The following SNX29 variants were observed in gnomAD, a reference collection of about 807,000 sequenced individuals.
SNX29 encodes the protein sorting nexin 29.
In SNX29, 78 loss-of-function variants were observed where a neutral mutation model predicts 102.1. The ratio of observed to expected loss-of-function variants is 0.76; its 90% CI spans 0.64 to 0.92. SNX29 has a LOEUF of 0.92. Among genes scored for constraint, SNX29 ranks in the 40% least tolerant of loss-of-function variants. The pLI is 0.00. For synonymous variants in SNX29, 580 were observed against 414.5 expected, an observed-to-expected ratio of 1.40 and a Z score of -4.85; for missense variants, 1,280 against 1,061.7, an observed-to-expected ratio of 1.21 and a Z score of -2.86.
intron 16 of SNX29, among the ~76,000 whole-genome samples, chr16:12,396,936 A>G (rs144475191): frequency 3.2e-4 from 48 of 152,338 alleles, no homozygotes; most frequent in African/African-American, 1.1e-3. Context: ...AAACAGGGTC[A>G]TGCTCTGTCA....
intron 13 of SNX29, among the ~76,000 whole-genome samples, chr16:12,155,357 C>T (rs951746943): frequency 2.0e-5 from 3 of 152,150 alleles, no homozygotes; most frequent in African/African-American, 7.2e-5. Flanking sequence ...ATTTAGCAAG[C>T]CACTGGGAGG....
At chr16:11,982,423 G>GTTTTTTTTTTT (rs60761477) in intron 1 of SNX29, among the ~76,000 whole-genome samples, 2 of 120,372 alleles carry the variant, frequency 1.7e-5, no homozygotes, top group Non-Finnish European at 1.7e-5. Flanking sequence ...CTTTCCATCA[G>GTTTTTTTTTTT]TTTTTTTTTT....
In SNX29 at chr16:12,271,279, A is replaced by G. The variant is rs778824049; in HGVS notation, c.1679-6654A>G. On this transcript the variant is annotated intron_variant, in intron 14 of 20. Coordinates refer to ENST00000566228, the MANE Select transcript of SNX29 (RefSeq NM_032167.5). ...TCAGTTGGAGGCTGCGGTTGTCCCA[A>G]GGCTCCACTGGAGGAGTGTGCACTG... Among the ~76,000 whole-genome samples the G allele has an allele frequency of 2.0e-5, 3 of 152,220 alleles. No homozygotes were observed. In the East Asian group the frequency reaches 5.8e-4, roughly 29 times the overall value.
At chr16:12,410,412 A>G (rs999990911) in intron 18 of SNX29, among the ~76,000 whole-genome samples, 6 of 151,976 alleles carry the variant, frequency 3.9e-5, no homozygotes, top group Non-Finnish European at 5.9e-5. Context: ...CCCATCTCCC[A>G]TCCTGCAGAA....
In SNX29 at chr16:12,477,829, C is replaced by T. The variant is rs2087727247; in HGVS notation, c.2148C>T (p.Asn716=). 2 of 1,610,220 alleles carry T rather than the reference C, an allele frequency of 1.2e-6. No individual in the cohort carries two copies. The highest frequency in any genetic ancestry group is 1.7e-6 in the Non-Finnish European group (2 of 1,178,788). Residue 716 remains asparagine, a synonymous_variant, in exon 19 of 21, where the codon AAC becomes AAT. Coordinates refer to ENST00000566228, the MANE Select transcript of SNX29 (RefSeq NM_032167.5). The part of the protein sequence containing the change: ...QNKYPQVRAY[N]FPPKKAIGNK... ...AGTACCCTCAAGTGAGGGCCTACAA[C>T]TTCCCACCCAAAAAGGCCATTGGAA...
intron 13 of SNX29, among the ~76,000 whole-genome samples, chr16:12,166,254 T>C (rs2056016691): frequency 6.6e-6 from 1 of 152,158 alleles, no homozygotes; most frequent in African/African-American, 2.4e-5. Flanking sequence ...GATAAGTGGG[T>C]AGGGCTCTTG....
In SNX29 at chr16:12,130,474, CAAAAAAAAA is replaced by C. The variant is rs71139578; in HGVS notation, c.1595+732_1595+740del. On this transcript the variant is annotated intron_variant, in intron 13 of 20. Coordinates refer to ENST00000566228, the MANE Select transcript of SNX29 (RefSeq NM_032167.5). ...TGGGCGACAGAGCGAGACTCCGTCT[CAAAAAAAAA>C]AAAAAAAAAAAAAAAGATAGCGACT... Among the ~76,000 whole-genome samples, 400 of 56,146 alleles carry C rather than the reference CAAAAAAAAA, an allele frequency of 7.1e-3. 2 individuals carry two copies. The highest frequency in any genetic ancestry group is 0.033 in the Middle Eastern group (2 of 60). 36.8% of individuals were successfully genotyped at this position (56,146 alleles called of 152,430 possible).
chr16:12,024,226 C>T (rs1417137794), intron 3 of SNX29, among the ~76,000 whole-genome samples: 1 of 151,988 alleles, frequency 6.6e-6, no homozygotes, highest in African/African-American at 2.4e-5. Context: ...GCAACCTCCG[C>T]CTCCCGGATT....
chr16:12,474,492 G>A (rs1414777008), intron 18 of SNX29, among the ~76,000 whole-genome samples: 1 of 152,160 alleles, frequency 6.6e-6, no homozygotes, highest in African/African-American at 2.4e-5. Context: ...AGGAGAGGAG[G>A]TGCCCATGTG....
At chr16:12,282,461 C>T (rs998673551) in intron 15 of SNX29, among the ~76,000 whole-genome samples, 4 of 152,174 alleles carry the variant, frequency 2.6e-5, no homozygotes, top group Admixed American at 6.5e-5. Flanking sequence ...GAGGGCAGTG[C>T]GGACATTGTC....
At position 12,528,177 on chromosome 16, in the gene SNX29, G is replaced by A. The variant is rs114404583; in HGVS notation, c.2318+3336G>A. On this transcript the variant is annotated intron_variant, in intron 20 of 20. Transcript: ENST00000566228. The stretch of plus-strand genomic sequence containing the variant: ...CTTGCCAACATCAAAAAATTAGAAG[G>A]TGTCAGATAAAAAAATCCAGACGTC... 7.7e-3 allele frequency among the ~76,000 whole-genome samples: 1,172 copies of A among 151,542 alleles called. 19 individuals carry two copies. Among genetic ancestry groups the A allele is most frequent in the African/African-American group, 0.027 (1,099 of 41,388 alleles).
At chr16:12,365,204 A>G (rs892352081) in intron 16 of SNX29, among the ~76,000 whole-genome samples, 1 of 152,070 alleles carries the variant, frequency 6.6e-6, no homozygotes, top group Non-Finnish European at 1.5e-5. Context: ...CAGGCACAGC[A>G]CTCTGGATGG....
At chr16:12,505,713 C>G (rs2151905197) in intron 19 of SNX29, among the ~76,000 whole-genome samples, 1 of 113,572 alleles carries the variant, frequency 8.8e-6, no homozygotes, top group African/African-American at 3.4e-5. Context: ...TTTGGCTTCT[C>G]TGGGTTCCTT....
intron 9 of SNX29, among the ~76,000 whole-genome samples, chr16:12,068,622 G>A (rs1414259697): frequency 6.6e-6 from 1 of 152,092 alleles, no homozygotes; most frequent in Non-Finnish European, 1.5e-5. Context: ...TCGGCTCACT[G>A]CAACCTCTAC....
intron 13 of SNX29, among the ~76,000 whole-genome samples, chr16:12,190,833 C>T (rs1369379972): frequency 6.6e-6 from 1 of 151,872 alleles, no homozygotes; most frequent in African/African-American, 2.4e-5. Flanking sequence ...CTGGGTAGAA[C>T]CCGGGAGGAG....
intron 11 of SNX29, among the ~76,000 whole-genome samples, chr16:12,106,132 A>T (rs2053226532): frequency 6.6e-6 from 1 of 152,208 alleles, no homozygotes; most frequent in Admixed American, 6.5e-5. Context: ...CGGGGACTCT[A>T]GAAACTTGGC....
At chr16:12,065,699 C>G (rs1481071458) in intron 9 of SNX29, among the ~76,000 whole-genome samples, 1 of 152,134 alleles carries the variant, frequency 6.6e-6, no homozygotes, top group Non-Finnish European at 1.5e-5. Flanking sequence ...GCTGGGCGGA[C>G]ACTGCCCTGG....
chr16:12,159,254 G>C (rs1359760587), intron 13 of SNX29, among the ~76,000 whole-genome samples: 1 of 152,210 alleles, frequency 6.6e-6, no homozygotes, highest in Non-Finnish European at 1.5e-5. Flanking sequence ...AGCCTGTGGA[G>C]CATTGTAGGG....
chr16:12,533,152 C>G (rs1206417470), intron 20 of SNX29, among the ~76,000 whole-genome samples: 2 of 152,250 alleles, frequency 1.3e-5, no homozygotes, highest in South Asian at 2.1e-4. Context: ...CTTTGCCAGG[C>G]AGGGCCTCTC....
Sources: allele counts gnomAD v4.1 joint callset (sites outside exome capture counted in the v4.1 genomes callset), GRCh38; gene constraint gnomAD v4.1.1; transcripts MANE v1.5; gene names NCBI Gene and HGNC (gene_info 2026-07-23, HGNC 2026-07-21).